The following ABTB3 variants were observed in gnomAD, a reference collection of about 807,000 sequenced individuals.
The protein encoded by ABTB3 is ankyrin repeat- and BTB/POZ domain-containing protein 3.
At chr12:107,556,964 A>G in the ABTB3 span, among the ~76,000 whole-genome samples, 1 of 152,056 alleles carries the variant, frequency 6.6e-6, no homozygotes, top group Non-Finnish European at 1.5e-5. Context: ...GTGAGCTGAG[A>G]TCGCGCCATT....
chr12:107,633,521 G>A, the ABTB3 span, among the ~76,000 whole-genome samples: 1 of 152,110 alleles, frequency 6.6e-6, no homozygotes, highest in African/African-American at 2.4e-5. Flanking sequence ...CTTCTAGGAG[G>A]CCATAATTAT....
the ABTB3 span, among the ~76,000 whole-genome samples, chr12:107,338,559 G>A: frequency 6.6e-6 from 1 of 152,200 alleles, no homozygotes; most frequent in Non-Finnish European, 1.5e-5. Context: ...GAATATTCCA[G>A]GGTTGGGAAG....
At chr12:107,357,295 A>G in the ABTB3 span, among the ~76,000 whole-genome samples, 1 of 152,330 alleles carries the variant, frequency 6.6e-6, no homozygotes, top group African/African-American at 2.4e-5. Flanking sequence ...TGGCCTCAGC[A>G]TCCTTCTCTA....
chr12:107,573,570 A>T, the ABTB3 span, among the ~76,000 whole-genome samples: 3 of 152,172 alleles, frequency 2.0e-5, no homozygotes, highest in Non-Finnish European at 2.9e-5. Context: ...CAACACACAC[A>T]TATATTACTG....
chr12:107,434,305 G>A, the ABTB3 span, among the ~76,000 whole-genome samples: 1 of 152,334 alleles, frequency 6.6e-6, no homozygotes, highest in African/African-American at 2.4e-5. Context: ...GGCACAAGAA[G>A]GCTGATAGGT....
chr12:107,551,688 A>G, the ABTB3 span, among the ~76,000 whole-genome samples: 1 of 152,170 alleles, frequency 6.6e-6, no homozygotes, highest in African/African-American at 2.4e-5. Flanking sequence ...AGGGTCCAGA[A>G]AGCTGAAAAT....
the ABTB3 span, among the ~76,000 whole-genome samples, chr12:107,380,154 G>A: frequency 2.6e-5 from 4 of 152,306 alleles, 1 homozygote; most frequent in Middle Eastern, 6.8e-3. Flanking sequence ...TGAACTGAGC[G>A]CTGGTAAACA....
the ABTB3 span, among the ~76,000 whole-genome samples, chr12:107,550,899 T>A: frequency 0.07 from 10,603 of 152,106 alleles, 500 homozygotes; most frequent in Non-Finnish European, 0.1. Context: ...AATTTACTTT[T>A]AAAAAAATAA....
chr12:107,528,047 T>A, the ABTB3 span, among the ~76,000 whole-genome samples: 1 of 152,046 alleles, frequency 6.6e-6, no homozygotes, highest in Non-Finnish European at 1.5e-5. Flanking sequence ...TAGCTGGCCA[T>A]GGATGGAAGG....
chr12:107,351,479 ATCCCCCAAGGT>A, the ABTB3 span, among the ~76,000 whole-genome samples: 1 of 152,172 alleles, frequency 6.6e-6, no homozygotes, highest in Non-Finnish European at 1.5e-5. Context: ...ATTTGAATGC[ATCCCCCAAGGT>A]TCATGTATTG....
At chr12:107,647,412 G>A in the ABTB3 span, among the ~76,000 whole-genome samples, 1 of 151,746 alleles carries the variant, frequency 6.6e-6, no homozygotes, top group Non-Finnish European at 1.5e-5. Context: ...GGCTGAGGTG[G>A]GGGGATTGCT....
At chr12:107,424,876 C>T in the ABTB3 span, among the ~76,000 whole-genome samples, 5 of 152,292 alleles carry the variant, frequency 3.3e-5, no homozygotes, top group South Asian at 2.1e-4. Context: ...GAATGGGCCA[C>T]GCCTGTTAGG....
the ABTB3 span, among the ~76,000 whole-genome samples, chr12:107,527,876 A>G: frequency 6.6e-6 from 1 of 152,140 alleles, no homozygotes. Flanking sequence ...GCAGCAGTTT[A>G]TAATACTGTG....
the ABTB3 span, among the ~76,000 whole-genome samples, chr12:107,491,644 G>A: frequency 9.5e-3 from 1,445 of 152,244 alleles, 22 homozygotes; most frequent in African/African-American, 0.032. Flanking sequence ...CCAACATGAT[G>A]AAACCCTGTC....
chr12:107,652,949 T>C, the ABTB3 span, among the ~76,000 whole-genome samples: 1 of 152,218 alleles, frequency 6.6e-6, no homozygotes, highest in Non-Finnish European at 1.5e-5. Context: ...TTCACTCTTG[T>C]TGCCCAGGCT....
At chr12:107,617,806 T>G in the ABTB3 span, 1 of 358,306 alleles carries the variant, frequency 2.8e-6, no homozygotes, top group Non-Finnish European at 5.1e-6. Flanking sequence ...TCCTTCTGAA[T>G]TTCCCCTCTG....
chr12:107,428,564 A>C, the ABTB3 span, among the ~76,000 whole-genome samples: 1 of 152,196 alleles, frequency 6.6e-6, no homozygotes, highest in South Asian at 2.1e-4. Flanking sequence ...AGCCTCTCAG[A>C]GGGTCCCAGC....
the ABTB3 span, among the ~76,000 whole-genome samples, chr12:107,652,789 A>G: frequency 6.6e-6 from 1 of 152,218 alleles, no homozygotes; most frequent in Non-Finnish European, 1.5e-5. Context: ...AGAGAAGTAA[A>G]ATACTTTGTC....
At chr12:107,374,557 C>T in the ABTB3 span, among the ~76,000 whole-genome samples, 3 of 152,196 alleles carry the variant, frequency 2.0e-5, no homozygotes, top group East Asian at 1.9e-4. Context: ...TGGCCCCACC[C>T]AACCAGCTGG....
Sources: allele counts gnomAD v4.1 joint callset (sites outside exome capture counted in the v4.1 genomes callset), GRCh38; gene constraint gnomAD v4.1.1; transcripts MANE v1.5; gene names NCBI Gene and HGNC (gene_info 2026-07-23, HGNC 2026-07-21).